The following MAST2 variants were observed in gnomAD, a reference collection of about 807,000 sequenced individuals.
The protein encoded by MAST2 is microtubule-associated serine/threonine-protein kinase 2.
MAST2 carries 70 observed loss-of-function variants against 147.4 expected under a neutral mutation model. That is an observed-to-expected ratio of 0.47 (90% confidence interval 0.39 to 0.58). The LOEUF (loss-of-function observed/expected upper bound fraction) is 0.58, where lower values mean the gene tolerates loss of function less well. Ranked by LOEUF, MAST2 falls within the 20% of genes least tolerant of loss-of-function variation. The pLI is 0.00. For missense variants in MAST2, 2,080 were observed against 2,302.3 expected, an observed-to-expected ratio of 0.90 and a Z score of 1.98; for synonymous variants, 869 against 896.8, an observed-to-expected ratio of 0.97 and a Z score of 0.55.
chr1:45,900,356 C>G (rs1382509143), intron 4 of MAST2, among the ~76,000 whole-genome samples: 1 of 151,728 alleles, frequency 6.6e-6, no homozygotes, highest in African/African-American at 2.4e-5. Flanking sequence ...GCATCCTCAC[C>G]AACATCTGTC....
At chr1:46,021,295 A>C (rs971825639) in intron 11 of MAST2, among the ~76,000 whole-genome samples, 4 of 152,228 alleles carry the variant, frequency 2.6e-5, no homozygotes, top group Admixed American at 6.5e-5. Flanking sequence ...TTGGCTAAGC[A>C]GGGGCTTGGA....
intron 16 of MAST2, among the ~76,000 whole-genome samples, chr1:46,027,307 T>C (rs2149316276): frequency 6.6e-6 from 1 of 152,138 alleles, no homozygotes; most frequent in South Asian, 2.1e-4. Context: ...GGAACAAAAT[T>C]ATGTGTGCCC....
At chr1:46,024,223 T>G (rs560810999) in intron 15 of MAST2, 12 of 497,606 alleles carry the variant, frequency 2.4e-5, no homozygotes, top group Non-Finnish European at 2.6e-5. Flanking sequence ...CTATAGAATC[T>G]TGCACCCCAA....
intron 22 of MAST2, 108 bp from the exon 23 acceptor site, chr1:46,030,899 G>A: frequency 6.8e-7 from 1 of 1,478,102 alleles, no homozygotes; most frequent in Non-Finnish European, 9.0e-7. Flanking sequence ...CTGGAGGAAT[G>A]TCTGCGGAGG....
intron 4 of MAST2, among the ~76,000 whole-genome samples, chr1:45,899,311 T>C (rs1002488672): frequency 3.9e-4 from 57 of 146,496 alleles, no homozygotes; most frequent in African/African-American, 8.9e-4. Flanking sequence ...TCTTTTCTTT[T>C]TTTTTTTTTT....
chr1:45,847,484 A>G (rs1022011550), intron 3 of MAST2: 11 of 712,578 alleles, frequency 1.5e-5, no homozygotes, highest in African/African-American at 3.6e-5. Context: ...AGGCCTTTTC[A>G]TTCTTCAATT....
At chr1:45,840,947 G>T (rs4298677) in intron 3 of MAST2, among the ~76,000 whole-genome samples, 8 of 152,002 alleles carry the variant, frequency 5.3e-5, no homozygotes, top group Admixed American at 3.9e-4. Context: ...ATGCTAACTG[G>T]TTCATTAATC....
chr1:46,001,737 G>A (rs1645281893), intron 6 of MAST2, among the ~76,000 whole-genome samples: 1 of 152,162 alleles, frequency 6.6e-6, no homozygotes, highest in Non-Finnish European at 1.5e-5. Flanking sequence ...GTGAGGGTGG[G>A]GAGGAGTGCT....
rs59192448 is a variant in MAST2 at position 45,930,391 on chromosome 1, T to TTTTTGTTTTGTTTTGTTTTG, written c.501-28976_501-28957dup. On this transcript the variant is annotated intron_variant, in intron 4 of 28. Transcript: ENST00000361297. ...ACCGCGCCTGGCCTGTTTTTTGTTTTTTTTGTTTTGTTTTGTTTTGTTTTG... is the reference window on the plus strand; with the variant it reads ...ACCGCGCCTGGCCTGTTTTTTGTTTTTTTTGTTTTGTTTTGTTTTGTTTTGTTTTGTTTTGTTTTGTTTTG... 3.5e-3 allele frequency among the ~76,000 whole-genome samples: 519 copies of TTTTTGTTTTGTTTTGTTTTG among 147,274 alleles called. 1 individual carries two copies. The highest frequency in any genetic ancestry group is 0.01 in the Middle Eastern group (3 of 292).
intron 5 of MAST2, among the ~76,000 whole-genome samples, chr1:45,982,910 T>C (rs1016429188): frequency 2.0e-5 from 3 of 152,176 alleles, no homozygotes; most frequent in Non-Finnish European, 4.4e-5. Flanking sequence ...ATACCCAACT[T>C]GAGGTAGTGT....
intron 5 of MAST2, among the ~76,000 whole-genome samples, chr1:45,990,693 C>T (rs923516385): frequency 2.6e-5 from 4 of 152,104 alleles, no homozygotes; most frequent in African/African-American, 9.7e-5. Context: ...CCTGTATTGT[C>T]CAGACTGATC....
chr1:45,921,144 C>T (rs188885968), intron 4 of MAST2, among the ~76,000 whole-genome samples: 7 of 152,130 alleles, frequency 4.6e-5, no homozygotes, highest in Non-Finnish European at 8.8e-5. Context: ...TACAGGCGAC[C>T]GCCACCACGC....
intron 5 of MAST2, among the ~76,000 whole-genome samples, chr1:45,978,572 T>C (rs1270984051): frequency 6.6e-6 from 1 of 152,082 alleles, no homozygotes; most frequent in Admixed American, 6.6e-5. Context: ...ATATGACCAA[T>C]AATGGCTTAA....
intron 4 of MAST2, among the ~76,000 whole-genome samples, chr1:45,912,666 G>A (rs915471908): frequency 6.6e-6 from 1 of 152,234 alleles, no homozygotes. Context: ...CGCTGAAGCA[G>A]GGGACAAGAC....
intron 8 of MAST2, 75 bp downstream of exon 8, chr1:46,006,470 C>A: frequency 1.4e-6 from 2 of 1,479,562 alleles, no homozygotes; most frequent in Non-Finnish European, 1.8e-6. Flanking sequence ...GGTGGGCACA[C>A]TATGCTATAA....
intron 3 of MAST2, among the ~76,000 whole-genome samples, chr1:45,863,929 G>A (rs891332916): frequency 2.6e-5 from 4 of 152,174 alleles, no homozygotes; most frequent in African/African-American, 9.6e-5. Context: ...ACAATTTTGT[G>A]TGTGTGACTT....
chr1:45,980,623 C>T (rs929087549), intron 5 of MAST2, among the ~76,000 whole-genome samples: 13 of 152,150 alleles, frequency 8.5e-5, no homozygotes, highest in African/African-American at 3.1e-4. Flanking sequence ...CAGCCTCAAC[C>T]TGCTGGGCTC....
At chr1:45,819,513 A>G (rs537381624) in intron 1 of MAST2, among the ~76,000 whole-genome samples, 1 of 152,360 alleles carries the variant, frequency 6.6e-6, no homozygotes, top group Admixed American at 6.5e-5. Flanking sequence ...GTAAAGTTGC[A>G]GGATCCAAAG....
At chr1:45,991,489 G>T (rs1644853584) in intron 5 of MAST2, among the ~76,000 whole-genome samples, 1 of 152,074 alleles carries the variant, frequency 6.6e-6, no homozygotes, top group Non-Finnish European at 1.5e-5. Flanking sequence ...TAACATTTTA[G>T]TCATATTGAG....
Sources: allele counts gnomAD v4.1 joint callset (sites outside exome capture counted in the v4.1 genomes callset), GRCh38; gene constraint gnomAD v4.1.1; transcripts MANE v1.5; gene names NCBI Gene and HGNC (gene_info 2026-07-23, HGNC 2026-07-21).